GATAD2A: variants seen among roughly 807,000 people sequenced by gnomAD.
GATAD2A encodes the protein GATA zinc finger domain containing 2A.
A neutral mutation model predicts 68.5 loss-of-function variants in GATAD2A; 12 were observed. The observed-to-expected ratio is 0.18, with a 90% CI of 0.11 to 0.28. GATAD2A has a LOEUF of 0.28. GATAD2A is among the 10% of genes least tolerant of loss of function. The pLI, the probability that GATAD2A is intolerant of heterozygous loss-of-function variation, is 1.00. For synonymous variants in GATAD2A, 410 were observed against 375.3 expected (o/e 1.09, Z -1.07); for missense variants, 755 against 868.5 (o/e 0.87, Z 1.64).
At chr19:19,448,092 A>G (rs1049708283) in intron 1 of GATAD2A, among the ~76,000 whole-genome samples, 4 of 152,238 alleles carry the variant, frequency 2.6e-5, no homozygotes, top group African/African-American at 7.2e-5. Flanking sequence ...TTCGTAGGCC[A>G]CGTAGGCTCA....
intron 1 of GATAD2A, among the ~76,000 whole-genome samples, chr19:19,421,408 G>C (rs913259686): frequency 1.1e-4 from 16 of 151,368 alleles, no homozygotes; most frequent in Admixed American, 6.6e-4. Context: ...GTCCATACCA[G>C]TTTCCCAGGG....
intron 1 of GATAD2A, among the ~76,000 whole-genome samples, 196 bp from the exon 2 acceptor site, chr19:19,465,144 C>G (rs909185510): frequency 1.3e-5 from 2 of 152,222 alleles, no homozygotes; most frequent in Non-Finnish European, 2.9e-5. Flanking sequence ...GGGGACACCC[C>G]CCTCCTGCCT....
chr19:19,408,011 G>GTTTGTT (rs2050475588), intron 1 of GATAD2A, among the ~76,000 whole-genome samples: 1 of 152,186 alleles, frequency 6.6e-6, no homozygotes, highest in Non-Finnish European at 1.5e-5. Flanking sequence ...TTGTTTGTTT[G>GTTTGTT]TTTGTTTTTT....
chr19:19,449,805 A>G (rs1034468288), intron 1 of GATAD2A, among the ~76,000 whole-genome samples: 3 of 152,222 alleles, frequency 2.0e-5, no homozygotes, highest in Non-Finnish European at 2.9e-5. Context: ...AAAAAACTTA[A>G]TAAATTGATT....
chr19:19,443,025 A>G (rs891987375), intron 1 of GATAD2A, among the ~76,000 whole-genome samples: 4 of 152,232 alleles, frequency 2.6e-5, no homozygotes, highest in East Asian at 1.9e-4. Context: ...GATGCTCTAC[A>G]CCGTCTGCCC....
chr19:19,428,067 A>G (rs1056938788), intron 1 of GATAD2A: 1 of 151,994 alleles, frequency 6.6e-6, no homozygotes, highest in Non-Finnish European at 1.5e-5. Flanking sequence ...TTTTTATTTT[A>G]TTTTTATTTC....
intron 1 of GATAD2A, among the ~76,000 whole-genome samples, chr19:19,421,552 C>T (rs1036260467): frequency 2.6e-5 from 4 of 152,118 alleles, no homozygotes; most frequent in African/African-American, 9.7e-5. Context: ...CAAGGACCAA[C>T]GGCTTAGAAT....
intron 2 of GATAD2A, 58 bp from the exon 3 acceptor site, chr19:19,492,248 G>GT: frequency 6.5e-7 from 1 of 1,547,716 alleles, no homozygotes; most frequent in Non-Finnish European, 8.8e-7. Context: ...GTCCACAGGG[G>GT]TGGGCACTGG....
At chr19:19,430,261 C>T (rs548785531) in intron 1 of GATAD2A, among the ~76,000 whole-genome samples, 8 of 152,294 alleles carry the variant, frequency 5.3e-5, no homozygotes, top group Middle Eastern at 3.4e-3. Context: ...AGCCAGCCAG[C>T]GCATGGTAGA....
At chr19:19,458,296 A>G (rs1351285996) in intron 1 of GATAD2A, among the ~76,000 whole-genome samples, 2 of 152,104 alleles carry the variant, frequency 1.3e-5, no homozygotes, top group South Asian at 2.1e-4. Context: ...GTCTCGCCTA[A>G]TTCCTTTTCC....
rs752649615 is a variant in GATAD2A at position 19,492,705 on chromosome 19, C to T, written c.527C>T (p.Ala176Val). The change falls in exon 4 of 12, where the codon GCC (alanine) becomes GTC (valine). Residue 176 changes from alanine to valine, a missense_variant. By Grantham distance (64) the Ala-to-Val change is moderately conservative. Transcript: ENST00000683918. Reference sequence around the variant, plus strand: ...AGTCAAATACAAAAGGAAGCCACCGCCCAGAAGGTGCGTGCCTGTCTCCCC... The same window carrying T: ...AGTCAAATACAAAAGGAAGCCACCGTCCAGAAGGTGCGTGCCTGTCTCCCC... ...RQSQIQKEAT[A>V]QKPTGSVGST... 6.2e-7 allele frequency: 1 copy of T among 1,614,114 alleles called. No individual in the cohort carries two copies. The highest frequency in any genetic ancestry group is 8.5e-7 in the Non-Finnish European group (1 of 1,180,028).
chr19:19,388,963 A>G (rs1280775293), intron 1 of GATAD2A, among the ~76,000 whole-genome samples: 2 of 151,596 alleles, frequency 1.3e-5, no homozygotes, highest in Non-Finnish European at 2.9e-5. Flanking sequence ...ATCCAGAAAC[A>G]GGGGAAGGGA....
At chr19:19,439,203 G>C (rs978705598) in intron 1 of GATAD2A, among the ~76,000 whole-genome samples, 3 of 152,238 alleles carry the variant, frequency 2.0e-5, no homozygotes, top group Non-Finnish European at 4.4e-5. Context: ...CACAGGGGCA[G>C]TCTTGCCTGT....
chr19:19,465,492 A>C lies in GATAD2A; in HGVS notation c.147A>C (p.Thr49=). ...DLNTDGDMRV[T]PEPGAGPTQG... ...ACACTGACGGAGACATGAGGGTGAC[A>C]CCTGAGCCGGGAGCAGGTCCAACCC... The change falls in exon 2 of 12, where the codon ACA becomes ACC. Residue 49 remains threonine, a synonymous_variant. Coordinates refer to ENST00000683918, the MANE Select transcript of GATAD2A (RefSeq NM_001384528.1). 1 of 1,613,974 alleles carries C rather than the reference A, an allele frequency of 6.2e-7. No individual in the cohort carries two copies. Among genetic ancestry groups the C allele is most frequent in the Non-Finnish European group, 8.5e-7 (1 of 1,179,870 alleles).
chr19:19,451,339 C>T (rs1035711701), intron 1 of GATAD2A, among the ~76,000 whole-genome samples: 1 of 152,204 alleles, frequency 6.6e-6, no homozygotes, highest in Non-Finnish European at 1.5e-5. Context: ...CGAGATCACG[C>T]CACTGCACTC....
intron 1 of GATAD2A, among the ~76,000 whole-genome samples, chr19:19,408,482 A>G (rs1459767630): frequency 6.6e-6 from 1 of 152,220 alleles, no homozygotes; most frequent in African/African-American, 2.4e-5. Context: ...TAGGATTAGC[A>G]ATAGTTTTTC....
intron 1 of GATAD2A, among the ~76,000 whole-genome samples, chr19:19,389,601 G>C (rs748494964): frequency 1.3e-5 from 2 of 152,160 alleles, no homozygotes; most frequent in Non-Finnish European, 2.9e-5. Context: ...TCAAGTCCAG[G>C]CAGGAGGCTG....
intron 9 of GATAD2A, 24 bp downstream of exon 9, chr19:19,501,440 G>A: frequency 6.4e-7 from 1 of 1,552,376 alleles, no homozygotes; most frequent in Non-Finnish European, 8.7e-7. Context: ...GCTGCCGGCA[G>A]TGCCGTCCCT....
At chr19:19,482,189 A>G (rs771757574) in intron 2 of GATAD2A, among the ~76,000 whole-genome samples, 1 of 152,156 alleles carries the variant, frequency 6.6e-6, no homozygotes, top group Non-Finnish European at 1.5e-5. Flanking sequence ...AGATCACTTG[A>G]GCCCAGGAGT....
Sources: gnomAD v4.1 joint callset for allele counts (sites outside exome capture counted in the v4.1 genomes callset) on GRCh38, gnomAD v4.1.1 for gene constraint, MANE v1.5 for transcripts, NCBI Gene and HGNC (gene_info 2026-07-23, HGNC 2026-07-21) for gene names.